Variants in DNAJC13 observed in about 807,000 individuals in gnomAD.
DNAJC13 encodes the protein DnaJ heat shock protein family (Hsp40) member C13, also known as dnaJ homolog subfamily C member 13.
Under a neutral mutation model 290.5 loss-of-function variants are expected in DNAJC13, and 75 were observed. The ratio of observed to expected loss-of-function variants is 0.26; its 90% CI spans 0.21 to 0.31. The LOEUF (loss-of-function observed/expected upper bound fraction) is 0.31. DNAJC13 is among the 10% of genes least tolerant of loss of function. The pLI, the probability that DNAJC13 is intolerant of heterozygous loss-of-function variation, is 1.00. For missense variants in DNAJC13, 2,260 were observed against 2,674.5 expected (o/e 0.85, Z 3.42); for synonymous variants, 862 against 892.0 (o/e 0.97, Z 0.60).
rs116481557 is a variant in DNAJC13, at chr3:132,527,655, C to T, written c.6382-534C>T. 4.6e-3 allele frequency among the ~76,000 whole-genome samples: 697 copies of T among 152,304 alleles called. 7 individuals carry two copies. The highest frequency in any genetic ancestry group is 0.016 in the African/African-American group (657 of 41,568). On this transcript the variant is annotated intron_variant, in intron 53 of 55. Transcript: ENST00000260818. ...CAGTACCTGAAAAAAGAGGTGCATT[C>T]ACTAAATGTCTTTTATTTCTTCCTA...
At position 132,480,483 on chromosome 3, in the gene DNAJC13, GT is replaced by G. The variant is rs1269036848; in HGVS notation, c.2874+16del. 3 of 1,574,494 alleles carry G rather than the reference GT, an allele frequency of 1.9e-6. No individual in the cohort carries two copies. In the South Asian group the frequency reaches 3.4e-5, roughly 18 times the overall value. On this transcript the variant is annotated intron_variant, in intron 26 of 55. Coordinates refer to ENST00000260818, the MANE Select transcript of DNAJC13 (RefSeq NM_015268.4). ...AGTACCACTGCAAGTACGTATCCTTGTTTACGTTTTACAAATTTAACGTTCT... is the reference window on the plus strand; with the variant it reads ...AGTACCACTGCAAGTACGTATCCTTGTTACGTTTTACAAATTTAACGTTCT...
intron 2 of DNAJC13, among the ~76,000 whole-genome samples, chr3:132,440,579 C>CTT (rs1475753638): frequency 1.3e-5 from 2 of 152,182 alleles, no homozygotes; most frequent in Non-Finnish European, 2.9e-5. Flanking sequence ...GTTACAGCTG[C>CTT]TTACAGTATT....
intron 30 of DNAJC13, 114 bp downstream of exon 30, chr3:132,488,566 G>T: frequency 9.2e-7 from 1 of 1,091,430 alleles, no homozygotes; most frequent in Non-Finnish European, 1.3e-6. Context: ...TAATTGTAAA[G>T]GCTATTTAAG....
chr3:132,486,114 A>G (rs1025790726), intron 29 of DNAJC13, among the ~76,000 whole-genome samples: 2 of 60,066 alleles, frequency 3.3e-5, no homozygotes, highest in African/African-American at 1.5e-4. Context: ...TTTTTTGCCA[A>G]TTTCTGTTAT....
intron 54 of DNAJC13, 66 bp downstream of exon 54, chr3:132,528,398 G>A (rs970615832): frequency 2.4e-5 from 37 of 1,567,314 alleles, no homozygotes; most frequent in African/African-American, 8.2e-5. Flanking sequence ...GATGGTCCAC[G>A]TACCTGTGTT....
intron 2 of DNAJC13, among the ~76,000 whole-genome samples, chr3:132,441,093 G>A (rs1285281145): frequency 1.3e-5 from 2 of 152,184 alleles, no homozygotes; most frequent in Admixed American, 6.5e-5. Context: ...GTATCCTAAA[G>A]GCTTCAAGAA....
intron 1 of DNAJC13, among the ~76,000 whole-genome samples, chr3:132,424,437 C>T (rs1237718742): frequency 6.6e-6 from 1 of 152,024 alleles, no homozygotes; most frequent in Non-Finnish European, 1.5e-5. Context: ...GTATGCTTGT[C>T]CCCTCCTCCC....
chr3:132,480,586 A>G, intron 26 of DNAJC13, 116 bp downstream of exon 26: 2 of 704,258 alleles, frequency 2.8e-6, no homozygotes, highest in African/African-American at 1.8e-5. Flanking sequence ...TCCAGTAATT[A>G]CAGTAGTACT....
At chr3:132,470,845 AT>A (rs1351337433) in intron 20 of DNAJC13, among the ~76,000 whole-genome samples, 1 of 103,066 alleles carries the variant, frequency 9.7e-6, no homozygotes, top group Non-Finnish European at 2.0e-5. Context: ...CGGGGGGCTG[AT>A]CCCCCCACCT....
At chr3:132,522,799 C>T (rs1049585238) in intron 48 of DNAJC13, 29 bp from the exon 49 acceptor site, 9 of 1,565,298 alleles carry the variant, frequency 5.7e-6, no homozygotes, top group African/African-American at 1.4e-5. Context: ...CAATAGGTGT[C>T]TTTTTCATTC....
chr3:132,434,724 CCTTCT>C, intron 2 of DNAJC13, 106 bp downstream of exon 2: 3 of 750,308 alleles, frequency 4.0e-6, no homozygotes, highest in East Asian at 5.8e-5. Context: ...GCTATACAGC[CCTTCT>C]CTTCTGAAAA....
intron 2 of DNAJC13, among the ~76,000 whole-genome samples, chr3:132,436,098 G>A (rs764804514): frequency 6.6e-6 from 1 of 152,014 alleles, no homozygotes; most frequent in African/African-American, 2.4e-5. Context: ...ACAATTCAGC[G>A]GATTTTAGTG....
Position 132,511,176 on chromosome 3 carries a change from A to G in DNAJC13, c.5225A>G (p.His1742Arg). 6.2e-7 allele frequency: 1 copy of G among 1,614,014 alleles called. No homozygotes were observed. Reference protein sequence around the residue: ...THAAKVESEQHGDRLPRVEMA... With the variant: ...THAAKVESEQRGDRLPRVEMA... ...GCGGCAAAAGTGGAGTCAGAGCAAC[A>G]TGGAGATCGCTTACCGAGAGTAGAA... The change falls in exon 44 of 56, where the codon CAT becomes CGT. Residue 1742 changes from histidine (H) to arginine (R), a missense_variant. His to Arg is a conservative substitution (Grantham distance 29). This residue lies in a region of DNAJC13 where 1,494 missense variants were observed against 1,693.7 expected (regional missense o/e 0.88). Coordinates refer to ENST00000260818, the MANE Select transcript of DNAJC13 (RefSeq NM_015268.4).
rs185495265 is a variant in DNAJC13 at position 132,477,191 on chromosome 3, C to T, written c.2446-598C>T. 2.2e-3 allele frequency among the ~76,000 whole-genome samples: 336 copies of T among 152,244 alleles called. 5 individuals are homozygous for T. Among genetic ancestry groups the T allele is most frequent in the Non-Finnish European group, 1.1e-3 (77 of 68,012 alleles). ...TTTAGAAATCTATTATTTTAGACTT[C>T]GGAAAAAGAATTCTGATCTGGGAAT... On this transcript the variant is annotated intron_variant, in intron 22 of 55. Transcript: ENST00000260818.
chr3:132,506,968 C>A (rs1935613646), intron 42 of DNAJC13, among the ~76,000 whole-genome samples: 1 of 152,130 alleles, frequency 6.6e-6, no homozygotes, highest in African/African-American at 2.4e-5. Context: ...GTCATACTTG[C>A]TTTATAAACT....
intron 3 of DNAJC13, 35 bp from the exon 4 acceptor site, chr3:132,447,282 TATTA>T: frequency 6.9e-7 from 1 of 1,456,992 alleles, no homozygotes; most frequent in South Asian, 1.6e-5. Context: ...CATTTTACTG[TATTA>T]TAGTAGCACC....
At chr3:132,430,403 G>A (rs1939209625) in intron 1 of DNAJC13, among the ~76,000 whole-genome samples, 1 of 151,790 alleles carries the variant, frequency 6.6e-6, no homozygotes, top group Non-Finnish European at 1.5e-5. Flanking sequence ...GGGTTTATTA[G>A]GGATCTTTAT....
rs777928707 is a variant in DNAJC13 at position 132,477,973 on chromosome 3, A to T, written c.2550-8A>T. On this transcript the variant is annotated splice_region_variant and splice_polypyrimidine_tract_variant and intron_variant, in intron 23 of 55. Transcript: ENST00000260818. Reference sequence around the variant, plus strand: ...TTTCTATTGTGAACTTTTTTTTTTAAAATCTAGGTATGAATTTTTCAATGA... The same window carrying T: ...TTTCTATTGTGAACTTTTTTTTTTATAATCTAGGTATGAATTTTTCAATGA... 4.4e-6 allele frequency: 7 copies of T among 1,584,224 alleles called. No homozygotes were observed. Among genetic ancestry groups the T allele is most frequent in the African/African-American group, 4.2e-5 (3 of 71,650 alleles).
chr3:132,430,893 A>G (rs1939223295), intron 1 of DNAJC13, among the ~76,000 whole-genome samples: 1 of 152,216 alleles, frequency 6.6e-6, no homozygotes, highest in African/African-American at 2.4e-5. Flanking sequence ...CAGACAAACA[A>G]AACACCATAC....
Sources: gnomAD v4.1 joint callset for allele counts (sites outside exome capture counted in the v4.1 genomes callset) on GRCh38, gnomAD v4.1.1 for gene constraint, gnomAD v4.1.1 regional missense constraint, MANE v1.5 for transcripts, NCBI Gene and HGNC (gene_info 2026-07-23, HGNC 2026-07-21) for gene names.